TMED5: variants seen among roughly 807,000 people sequenced by gnomAD.
TMED5 encodes transmembrane emp24 domain-containing protein 5.
A neutral mutation model predicts 23.0 loss-of-function variants in TMED5; 27 were observed. That is an observed-to-expected ratio of 1.17 (90% CI 0.86 to 1.62). The LOEUF (loss-of-function observed/expected upper bound fraction) is 1.62, where lower values mean the gene tolerates loss of function less well. Among genes scored for constraint, TMED5 ranks in the 40% most tolerant of loss-of-function variants. TMED5 has a pLI of 0.00. For missense variants in TMED5, 248 were observed against 273.7 expected (o/e 0.91, Z 0.66); for synonymous variants, 97 against 100.8 (o/e 0.96, Z 0.23).
At chr1:93,175,772 C>T (rs947302657) in intron 1 of TMED5, among the ~76,000 whole-genome samples, 1 of 152,130 alleles carries the variant, frequency 6.6e-6, no homozygotes, top group Non-Finnish European at 1.5e-5. Flanking sequence ...GATAGTTTTA[C>T]ATGTTTGGTA....
chr1:93,167,531 C>T (rs1471069495), intron 1 of TMED5, among the ~76,000 whole-genome samples: 1 of 151,976 alleles, frequency 6.6e-6, no homozygotes, highest in East Asian at 1.9e-4. Flanking sequence ...AATGAGATTA[C>T]TTTTTAAATG....
intron 1 of TMED5, among the ~76,000 whole-genome samples, chr1:93,169,881 G>GGACACACACACA (rs1444886174): frequency 2.9e-5 from 1 of 34,786 alleles, no homozygotes; most frequent in African/African-American, 9.2e-5. Flanking sequence ...GACCCTGTCT[G>GGACACACACACA]TACACACACA....
rs752393684 is a variant in TMED5, at chr1:93,156,448, AAGC to A, written c.320_322del (p.Cys107del). 6.2e-7 allele frequency: 1 copy of A among 1,613,972 alleles called. No homozygotes were observed. The highest frequency in any genetic ancestry group is 1.7e-5 in the Admixed American group (1 of 60,020). ...AGAAATGGTGCTGAATGTATTGTCAAAGCAGAACATGTAATCACCAACTTCAGT... is the reference window on the plus strand; with the variant it reads ...AGAAATGGTGCTGAATGTATTGTCAAAGAACATGTAATCACCAACTTCAGT... On this transcript the variant is annotated inframe_deletion, in exon 3 of 4. Coordinates refer to ENST00000370282, the MANE Select transcript of TMED5 (RefSeq NM_016040.5).
rs376905115 is a variant in TMED5 at position 93,180,213 on chromosome 1, G to C, written c.30C>G (p.Pro10=). 9 of 1,612,486 alleles carry C rather than the reference G, an allele frequency of 5.6e-6. No individual in the cohort carries two copies. In the African/African-American group the frequency reaches 1.1e-4, roughly 19 times the overall value. MGDKIWLPF[P]VLLLAALPPV... is the part of the protein sequence containing the mutation. ...GAGGCAGAGCGGCCAGAAGGAGCAC[G>C]GGGAAGGGCAGCCAGATCTTGTCGC... The change falls in exon 1 of 4, where the codon CCC becomes CCG. Residue 10 remains proline (P), a synonymous_variant. Transcript: ENST00000370282.
At position 93,154,861 on chromosome 1, in the gene TMED5, G is replaced by T; in HGVS notation, c.499C>A (p.Leu167Ile). ...LESINSIKSR[L>I]SKSGHIQTLL... Reference sequence around the variant, plus strand: ...GTTTGTATGTGCCCACTTTTGCTTAGTCTGGACTTGATGCTGTTGATGGAT... The same window carrying T: ...GTTTGTATGTGCCCACTTTTGCTTATTCTGGACTTGATGCTGTTGATGGAT... Residue 167 changes from leucine to isoleucine, a missense_variant, in exon 4 of 4, where the codon CTA becomes ATA. Physicochemically the swap from Leu to Ile is conservative, Grantham distance 5 (BLOSUM62 2). Transcript: ENST00000370282. 6.2e-7 allele frequency: 1 copy of T among 1,611,928 alleles called. No homozygotes were observed. The highest frequency in any genetic ancestry group is 8.5e-7 in the Non-Finnish European group (1 of 1,178,354).
Position 93,153,863 on chromosome 1 carries a change from T to G in TMED5, c.*807A>C, listed in dbSNP as rs1227663154. On this transcript the variant is annotated 3_prime_UTR_variant, in exon 4 of 4. Transcript: ENST00000370282. Reference sequence around the variant, plus strand: ...TGACAGATACTATTAAAAATAAACTTATTTTACCTCACATTTAATTTTAAA... The same window carrying G: ...TGACAGATACTATTAAAAATAAACTGATTTTACCTCACATTTAATTTTAAA... The G allele has an allele frequency of 6.6e-6, 1 of 152,186 alleles. No homozygotes were observed. Among genetic ancestry groups the G allele is most frequent in the East Asian group, 1.9e-4 (1 of 5,194 alleles). 9.4% of individuals were successfully genotyped at this position (152,186 alleles called of 1,614,324 possible). A position where few individuals can be genotyped will look rare whatever the true frequency, so the allele number is the denominator to read the frequency against.
chr1:93,160,249 A>C, intron 1 of TMED5, 23 bp from the exon 2 acceptor site: 2 of 1,398,658 alleles, frequency 1.4e-6, no homozygotes. Context: ...ATACATGAGA[A>C]AAACATATAT....
rs771825060 is a variant in TMED5 at position 93,156,312 on chromosome 1, C to T, written c.459G>A (p.Leu153=). The T allele has an allele frequency of 1.2e-6, 2 of 1,613,486 alleles. No individual in the cohort carries two copies. The highest frequency in any genetic ancestry group is 4.5e-5 in the East Asian group (2 of 44,820). Residue 153 remains leucine (L), a synonymous_variant, in exon 3 of 4, where the codon CTG becomes CTA. Transcript: ENST00000370282. Reference sequence around the variant, plus strand: ...AGACCATACTGACCAGGATGTCTTCCAGTTTCATATCCAATATATCTGTGC... The same window carrying T: ...AGACCATACTGACCAGGATGTCTTCTAGTTTCATATCCAATATATCTGTGC... The part of the protein sequence containing the change: ...ITGTDILDMK[L]EDILESINSI...
At chr1:93,176,810 T>C (rs960721557) in intron 1 of TMED5, among the ~76,000 whole-genome samples, 1 of 152,198 alleles carries the variant, frequency 6.6e-6, no homozygotes, top group African/African-American at 2.4e-5. Context: ...GGATTACAGG[T>C]GTGAGCCACT....
In TMED5 at chr1:93,152,627, T is replaced by TAACA. The variant is rs1647918992; in HGVS notation, c.*2039_*2042dup. On this transcript the variant is annotated 3_prime_UTR_variant, in exon 4 of 4. Coordinates refer to ENST00000370282, the MANE Select transcript of TMED5 (RefSeq NM_016040.5). Reference sequence around the variant, plus strand: ...CAAATCATACATGTAGAAGATTATGTAACAAATTCATTGTTAGGTAAGGAG... The same window carrying TAACA: ...CAAATCATACATGTAGAAGATTATGTAACAAACAAATTCATTGTTAGGTAAGGAG... 6.6e-6 allele frequency: 1 copy of TAACA among 152,666 alleles called. No homozygotes were observed. The highest frequency in any genetic ancestry group is 6.5e-5 in the Admixed American group (1 of 15,282). The allele number at this position is 152,666 out of a possible 1,614,324, so 9.5% of individuals were successfully genotyped here.
Position 93,154,863 on chromosome 1 carries a change from C to T in TMED5, c.497G>A (p.Arg166Lys). 1.2e-6 allele frequency: 2 copies of T among 1,611,798 alleles called. No homozygotes were observed. The highest frequency in any genetic ancestry group is 1.7e-6 in the Non-Finnish European group (2 of 1,178,296). ...ILESINSIKS[R>K]LSKSGHIQTL... ...TTGTATGTGCCCACTTTTGCTTAGT[C>T]TGGACTTGATGCTGTTGATGGATTC... Residue 166 changes from arginine to lysine, a missense_variant, in exon 4 of 4, where the codon AGA becomes AAA. By Grantham distance (26) the Arg-to-Lys change is conservative. Transcript: ENST00000370282.
intron 2 of TMED5, among the ~76,000 whole-genome samples, chr1:93,157,483 G>A (rs952083495): frequency 3.9e-5 from 6 of 152,066 alleles, no homozygotes; most frequent in Admixed American, 6.6e-5. Context: ...CAATCACAGC[G>A]CTTTGGGAGT....
At position 93,154,781 on chromosome 1, in the gene TMED5, A is replaced by G; in HGVS notation, c.579T>C (p.Asp193=). ...TAACCATAGACCAGAAATTGACTCT[A>G]TCAAAGTTGCTTTCTTGTATGTTTC... ...RDRNIQESNF[D]RVNFWSMVNL... The change falls in exon 4 of 4, where the codon GAT becomes GAC. Residue 193 remains aspartate (D), a synonymous_variant. Coordinates refer to ENST00000370282, the MANE Select transcript of TMED5 (RefSeq NM_016040.5). 1.2e-6 allele frequency: 2 copies of G among 1,614,032 alleles called. No homozygotes were observed. Among genetic ancestry groups the G allele is most frequent in the Non-Finnish European group, 8.5e-7 (1 of 1,179,906 alleles).
chr1:93,180,109 T>C lies in TMED5; in HGVS notation c.134A>G (p.Lys45Arg), dbSNP rs1006870659. 11 of 1,613,578 alleles carry C rather than the reference T, an allele frequency of 6.8e-6. No homozygotes were observed. The highest frequency in any genetic ancestry group is 9.3e-6 in the Non-Finnish European group (11 of 1,179,834). ...DFTFTLPAGQ[K>R]ECFYQPMPLK... ...GGGCATGGGCTGGTAGAAGCACTCC[T>C]TCTGGCCGGCGGGAAGGGTAAAGGT... The change falls in exon 1 of 4, where the codon AAG becomes AGG. Residue 45 changes from lysine (K) to arginine (R), a missense_variant. Coordinates refer to ENST00000370282, the MANE Select transcript of TMED5 (RefSeq NM_016040.5).
At chr1:93,159,853 C>T (rs1648207275) in intron 2 of TMED5, among the ~76,000 whole-genome samples, 1 of 152,062 alleles carries the variant, frequency 6.6e-6, no homozygotes, top group Non-Finnish European at 1.5e-5. Context: ...TTTAAAATGC[C>T]ACGATAGATT....
In TMED5 at chr1:93,153,572, CATG is replaced by C. The variant is rs1647953881; in HGVS notation, c.*1095_*1097del. ...TTGATTTATGTTATGAGTAGGATGT[CATG>C]ATGAGCCAGTCAGATTCTAGATATT... On this transcript the variant is annotated 3_prime_UTR_variant, in exon 4 of 4. Transcript: ENST00000370282. 2 of 152,116 alleles carry C rather than the reference CATG, an allele frequency of 1.3e-5. No homozygotes were observed. Among genetic ancestry groups the C allele is most frequent in the African/African-American group, 4.8e-5 (2 of 41,430 alleles). 9.4% of individuals were successfully genotyped at this position (152,116 alleles called of 1,614,324 possible). A position where few individuals can be genotyped will look rare whatever the true frequency, so the allele number is the denominator to read the frequency against.
Position 93,150,102 on chromosome 1 carries a change from T to A in TMED5, c.*4568A>T, listed in dbSNP as rs1647820411. ...CTACAGAACTTTTCCACCACAAGGC[T>A]CCCTTTATAGCCACATTCTCCTTCC... On this transcript the variant is annotated 3_prime_UTR_variant, in exon 4 of 4. Transcript: ENST00000370282. 6.6e-6 allele frequency: 1 copy of A among 152,210 alleles called. No homozygotes were observed. Among genetic ancestry groups the A allele is most frequent in the Admixed American group, 6.6e-5 (1 of 15,264 alleles). The allele number at this position is 152,210 out of a possible 1,614,324, so 9.4% of individuals were successfully genotyped here. A position where few individuals can be genotyped will look rare whatever the true frequency, so the allele number is the denominator to read the frequency against.
rs1450506809 is a variant in TMED5 at position 93,180,404 on chromosome 1, G to C, written c.-162C>G. On this transcript the variant is annotated 5_prime_UTR_variant, in exon 1 of 4. Coordinates refer to ENST00000370282, the MANE Select transcript of TMED5 (RefSeq NM_016040.5). ...CGAACACTCCCTCCGAAAGAGAAGC[G>C]CAGTTCTCCAAAGGGTAGGGACTCT... is the stretch of plus-strand genomic sequence containing the variant. 1 of 1,229,980 alleles carries C rather than the reference G, an allele frequency of 8.1e-7. No individual in the cohort carries two copies. The highest frequency in any genetic ancestry group is 1.4e-5 in the South Asian group (1 of 70,794). The allele number at this position is 1,229,980 out of a possible 1,614,324, so 76.2% of individuals were successfully genotyped here.
At position 93,156,144 on chromosome 1, in the gene TMED5, G is replaced by A. The variant is rs533731904; in HGVS notation, c.471+156C>T. On this transcript the variant is annotated intron_variant, in intron 3 of 3. Coordinates refer to ENST00000370282, the MANE Select transcript of TMED5 (RefSeq NM_016040.5). ...CTATATTAATATAAAATAAAATTAA[G>A]CTGATACTTGAGGTCAAAGTATTTA... The A allele has an allele frequency of 2.0e-5, 23 of 1,127,430 alleles. No individual in the cohort carries two copies. The East Asian group carries it at 5.0e-4, about 24-fold the overall frequency. 69.8% of individuals were successfully genotyped at this position (1,127,430 alleles called of 1,614,324 possible). A position where few individuals can be genotyped will look rare whatever the true frequency, so the allele number is the denominator to read the frequency against.
Sources: allele counts gnomAD v4.1 joint callset (sites outside exome capture counted in the v4.1 genomes callset), GRCh38; gene constraint gnomAD v4.1.1; transcripts MANE v1.5; gene names NCBI Gene and HGNC (gene_info 2026-07-23, HGNC 2026-07-21).